KREMEN2: variants seen among roughly 807,000 people sequenced by gnomAD.
KREMEN2 encodes kringle containing transmembrane protein 2, also known as kremen protein 2.
Under a neutral mutation model 49.8 loss-of-function variants are expected in KREMEN2, and 43 were observed. The observed-to-expected ratio is 0.86, with a 90% CI of 0.68 to 1.11. The LOEUF (loss-of-function observed/expected upper bound fraction) is 1.11, where lower values mean the gene tolerates loss of function less well. Ranked by LOEUF, KREMEN2 falls within the 50% of genes most tolerant of loss-of-function variation. KREMEN2 has a pLI of 0.00. For synonymous variants in KREMEN2, 355 were observed against 304.9 expected (o/e 1.16, Z -1.71); for missense variants, 686 against 665.7 (o/e 1.03, Z -0.34).
intron 7 of KREMEN2, 27 bp downstream of exon 7, chr16:2,967,472 G>C: frequency 6.8e-7 from 1 of 1,467,670 alleles, no homozygotes; most frequent in Non-Finnish European, 8.9e-7. Flanking sequence ...GGACGGGAGT[G>C]AGTCAGGGAG....
rs1354856416 is a variant in KREMEN2 at position 2,964,617 on chromosome 16, AAGTCCCCGCACGGCT to A, written c.94+4_94+18del. 1.3e-6 allele frequency: 2 copies of A among 1,584,104 alleles called. No homozygotes were observed. The highest frequency in any genetic ancestry group is 2.7e-5 in the African/African-American group (2 of 72,946). ...GGCTGGGAGCCTGCACAGTCCAGGT[AAGTCCCCGCACGGCT>A]GTCGGGCCGTGTTCACCACCCCTTC... On this transcript the variant is annotated splice_donor_5th_base_variant and intron_variant, in intron 1 of 8. Transcript: ENST00000303746.
In KREMEN2 at chr16:2,966,057, C is replaced by T; in HGVS notation, c.270-83C>T. On this transcript the variant is annotated intron_variant, in intron 2 of 8. Transcript: ENST00000303746. The surrounding 1 kb of genome is among the most constrained non-coding windows in gnomAD (Gnocchi z 8.4). ...CACAGGCACAGAGCCTTGAAGGCCACTTTGAGCATAGGCTGCGGGGCCGGG... is the reference window on the plus strand; with the variant it reads ...CACAGGCACAGAGCCTTGAAGGCCATTTTGAGCATAGGCTGCGGGGCCGGG... 1 of 1,280,202 alleles carries T rather than the reference C, an allele frequency of 7.8e-7. No individual in the cohort carries two copies. Among genetic ancestry groups the T allele is most frequent in the Admixed American group, 1.8e-5 (1 of 57,038 alleles). 79.3% of individuals were successfully genotyped at this position (1,280,202 alleles called of 1,614,324 possible).
At position 2,964,469 on chromosome 16, in the gene KREMEN2, G is replaced by A; in HGVS notation, c.-52G>A. ...CTGGGAGACCCCGAAGCGACCCCGG[G>A]GGCAGCCCGGGCCGTGTCCGGGCGA... is the stretch of plus-strand genomic sequence containing the variant. On this transcript the variant is annotated 5_prime_UTR_variant, in exon 1 of 9. Transcript: ENST00000303746. 5.8e-6 allele frequency: 8 copies of A among 1,389,478 alleles called. No homozygotes were observed. Among genetic ancestry groups the A allele is most frequent in the Non-Finnish European group, 7.8e-6 (8 of 1,023,002 alleles). 86.1% of individuals were successfully genotyped at this position (1,389,478 alleles called of 1,614,324 possible).
rs1365629005 is a variant in KREMEN2, at chr16:2,966,635, C to T, written c.487-7C>T. 6 of 1,608,342 alleles carry T rather than the reference C, an allele frequency of 3.7e-6. No homozygotes were observed. Among genetic ancestry groups the T allele is most frequent in the Admixed American group, 3.3e-5 (2 of 59,942 alleles). ...CTGCCCTGGGGTCACCCAGTCTGTGCTCCCAGCTGGCGGGCGTGGAGGCCG... is the reference window on the plus strand; with the variant it reads ...CTGCCCTGGGGTCACCCAGTCTGTGTTCCCAGCTGGCGGGCGTGGAGGCCG... On this transcript the variant is annotated splice_polypyrimidine_tract_variant and splice_region_variant and intron_variant, in intron 4 of 8. Coordinates refer to ENST00000303746, the MANE Select transcript of KREMEN2 (RefSeq NM_172229.3). This position sits in a 1 kb window ranked among gnomAD's most constrained non-coding sequence, Gnocchi z 8.4.
Position 2,967,380 on chromosome 16 carries a change from C to A in KREMEN2, c.1034C>A (p.Ala345Glu). The change falls in exon 7 of 9, where the codon GCG becomes GAG. Residue 345 changes from alanine to glutamate, a missense_variant. Physicochemically the swap from Ala to Glu is moderately radical, Grantham distance 107. Transcript: ENST00000303746. Reference protein sequence around the residue: ...APEGSAQTPAAPLDGANVSCS... With the variant: ...APEGSAQTPAEPLDGANVSCS... ...GAGGGCTCGGCCCAGACCCCCGCGG[C>A]GCCCCTCGACGGGGCCAACGTGAGC... 2 of 1,399,900 alleles carry A rather than the reference C, an allele frequency of 1.4e-6. No homozygotes were observed. Among genetic ancestry groups the A allele is most frequent in the Non-Finnish European group, 1.8e-6 (2 of 1,088,746 alleles). 86.7% of individuals were successfully genotyped at this position (1,399,900 alleles called of 1,614,324 possible).
Position 2,966,182 on chromosome 16 carries a change from G to C in KREMEN2, c.312G>C (p.Glu104Asp). Reference protein sequence around the residue: ...GDVQPWCYVAETEEGIYWRYC... With the variant: ...GDVQPWCYVADTEEGIYWRYC... ...TGCAGCCGTGGTGCTACGTGGCTGA[G>C]ACAGAGGAGGGCATCTACTGGCGCT... Residue 104 changes from glutamate (E) to aspartate (D), a missense_variant, in exon 3 of 9, where the codon GAG (glutamate) becomes GAC (aspartate). By Grantham distance (45) the Glu-to-Asp change is conservative. Coordinates refer to ENST00000303746, the MANE Select transcript of KREMEN2 (RefSeq NM_172229.3). The surrounding 1 kb of genome is among the most constrained non-coding windows in gnomAD (Gnocchi z 8.4). 6.2e-7 allele frequency: 1 copy of C among 1,612,762 alleles called. No homozygotes were observed. The highest frequency in any genetic ancestry group is 1.1e-5 in the South Asian group (1 of 91,048).
rs779811498 is a variant in KREMEN2 at position 2,964,592 on chromosome 16, G to A, written c.72G>A (p.Ser24=). 1.5e-5 allele frequency: 24 copies of A among 1,607,946 alleles called. No homozygotes were observed. The highest frequency in any genetic ancestry group is 2.0e-5 in the Non-Finnish European group (23 of 1,177,720). Residue 24 remains serine, a synonymous_variant, in exon 1 of 9, where the codon TCG becomes TCA. Coordinates refer to ENST00000303746, the MANE Select transcript of KREMEN2 (RefSeq NM_172229.3). The part of the protein sequence containing the change: ...FLPLLQPRGA[S]AGSLHSPGLS... ...CGCTGCTGCAGCCGCGTGGGGCCTC[G>A]GCTGGGAGCCTGCACAGTCCAGGTA...
intron 2 of KREMEN2, 55 bp downstream of exon 2, chr16:2,965,088 G>C (rs2071792436): frequency 7.7e-7 from 1 of 1,302,072 alleles, no homozygotes. Flanking sequence ...TGCAGGGATG[G>C]CCCGAAGCGG....
rs1201000492 is a variant in KREMEN2, at chr16:2,965,097, G to C, written c.269+64G>C. 69 of 1,346,362 alleles carry C rather than the reference G, an allele frequency of 5.1e-5. 1 individual carries two copies. The highest frequency in any genetic ancestry group is 4.4e-4 in the South Asian group (28 of 64,284). 83.4% of individuals were successfully genotyped at this position (1,346,362 alleles called of 1,614,324 possible). ...CACCATTGCAGGGATGGCCCGAAGC[G>C]GGGCCTCCGTGCGGGCGGGGTGGAG... On this transcript the variant is annotated intron_variant, in intron 2 of 8. Transcript: ENST00000303746.
chr16:2,964,739 G>A lies in KREMEN2; in HGVS notation c.95-120G>A, dbSNP rs527445453. ...TGGCCGGAGCAGCTGAGCAGCCCGAGGGCTCCTGCAGGGGCGGGTGCGGGG... is the reference window on the plus strand; with the variant it reads ...TGGCCGGAGCAGCTGAGCAGCCCGAAGGCTCCTGCAGGGGCGGGTGCGGGG... On this transcript the variant is annotated intron_variant, in intron 1 of 8. Transcript: ENST00000303746. 9 of 1,404,880 alleles carry A rather than the reference G, an allele frequency of 6.4e-6. No homozygotes were observed. In the East Asian group the frequency reaches 1.7e-4, roughly 27 times the overall value. The allele number at this position is 1,404,880 out of a possible 1,614,324, so 87.0% of individuals were successfully genotyped here.
In KREMEN2 at chr16:2,967,022, G is replaced by A. The variant is rs1308634309; in HGVS notation, c.753G>A (p.Pro251=). 3.9e-6 allele frequency: 6 copies of A among 1,545,186 alleles called. No homozygotes were observed. The highest frequency in any genetic ancestry group is 4.4e-6 in the Non-Finnish European group (5 of 1,145,784). ...GGAACTGCAGCTGGGCCCTGGGCCC[G>A]CCAGGCGCCGCGCTGGAGCTCACCT... The part of the protein sequence containing the change: ...PDRNCSWALG[P]PGAALELTFR... Residue 251 remains proline (P), a synonymous_variant, in exon 6 of 9, where the codon CCG becomes CCA. Coordinates refer to ENST00000303746, the MANE Select transcript of KREMEN2 (RefSeq NM_172229.3).
At chr16:2,964,644 T>G in intron 1 of KREMEN2, 30 bp downstream of exon 1, 2 of 1,539,252 alleles carry the variant, frequency 1.3e-6, no homozygotes, top group East Asian at 2.3e-5. Flanking sequence ...TCGGGCCGTG[T>G]TCACCACCCC....
In KREMEN2 at chr16:2,966,739, G is replaced by C; in HGVS notation, c.584G>C (p.Cys195Ser). 1 of 1,612,114 alleles carries C rather than the reference G, an allele frequency of 6.2e-7. No homozygotes were observed. Residue 195 changes from cysteine (C) to serine (S), a missense_variant, in exon 5 of 9, where the codon TGT becomes TCT. Transcript: ENST00000303746. This position sits in a 1 kb window ranked among gnomAD's most constrained non-coding sequence, Gnocchi z 8.4. ...CCCGCCACCGACTGTGACCAGATCT[G>C]TTTCGGCCACCCTGGACAGCTGTGT... ...LAPATDCDQICFGHPGQLCGG... is the reference protein window; with the variant it reads ...LAPATDCDQISFGHPGQLCGG...
In KREMEN2 at chr16:2,966,676, G is replaced by C; in HGVS notation, c.521G>C (p.Cys174Ser). The C allele has an allele frequency of 6.2e-7, 1 of 1,611,204 alleles. No individual in the cohort carries two copies. Among genetic ancestry groups the C allele is most frequent in the Non-Finnish European group, 8.5e-7 (1 of 1,179,922 alleles). The change falls in exon 5 of 9, where the codon TGT (cysteine) becomes TCT (serine). Residue 174 changes from cysteine to serine, a missense_variant. Physicochemically the swap from Cys to Ser is moderately radical, Grantham distance 112. Transcript: ENST00000303746. This position sits in a 1 kb window ranked among gnomAD's most constrained non-coding sequence, Gnocchi z 8.4. Reference sequence around the variant, plus strand: ...GTGGAGGCCGGTTACGCCTGCTTCTGTGGCTCTGAAAGCGACCTGGCCCGG... The same window carrying C: ...GTGGAGGCCGGTTACGCCTGCTTCTCTGGCTCTGAAAGCGACCTGGCCCGG... ...AGVEAGYACF[C>S]GSESDLARGR... is the part of the protein sequence containing the mutation.
chr16:2,967,655 G>A (rs991778479), intron 8 of KREMEN2, 51 bp downstream of exon 8: 4 of 1,538,442 alleles, frequency 2.6e-6, no homozygotes, highest in African/African-American at 1.4e-5. Context: ...TGGGGAGCTG[G>A]AGCCCCAGAA....
chr16:2,966,060 T>G lies in KREMEN2; in HGVS notation c.270-80T>G. ...AGGCACAGAGCCTTGAAGGCCACTT[T>G]GAGCATAGGCTGCGGGGCCGGGCCT... On this transcript the variant is annotated intron_variant, in intron 2 of 8. Transcript: ENST00000303746. This position sits in a 1 kb window ranked among gnomAD's most constrained non-coding sequence, Gnocchi z 8.4. 32 of 1,294,172 alleles carry G rather than the reference T, an allele frequency of 2.5e-5. No individual in the cohort carries two copies. The highest frequency in any genetic ancestry group is 3.2e-5 in the Non-Finnish European group (29 of 899,526). 80.2% of individuals were successfully genotyped at this position (1,294,172 alleles called of 1,614,324 possible).
At position 2,964,923 on chromosome 16, in the gene KREMEN2, G is replaced by C; in HGVS notation, c.159G>C (p.Pro53=). Residue 53 remains proline, a synonymous_variant, in exon 2 of 9, where the codon CCG becomes CCC. Transcript: ENST00000303746. ...DYRGHQNRTG[P]RGAGRPCLFW... is the part of the protein sequence containing the mutation. ...GCGGCCACCAGAACCGCACTGGCCC[G>C]CGCGGGGCGGGCCGCCCGTGCCTCT... 6.2e-7 allele frequency: 1 copy of C among 1,604,586 alleles called. No individual in the cohort carries two copies. The highest frequency in any genetic ancestry group is 8.5e-7 in the Non-Finnish European group (1 of 1,176,222).
chr16:2,967,391 G>T lies in KREMEN2; in HGVS notation c.1045G>T (p.Gly349Trp), dbSNP rs1375408548. The change falls in exon 7 of 9, where the codon GGG becomes TGG. Residue 349 changes from glycine to tryptophan, a missense_variant. Transcript: ENST00000303746. Reference protein sequence around the residue: ...SAQTPAAPLDGANVSCSPRPG... With the variant: ...SAQTPAAPLDWANVSCSPRPG... ...CCAGACCCCCGCGGCGCCCCTCGAC[G>T]GGGCCAACGTGAGCTGCAGCCCCAG... 2.2e-6 allele frequency: 3 copies of T among 1,393,682 alleles called. No homozygotes were observed. The highest frequency in any genetic ancestry group is 2.8e-6 in the Non-Finnish European group (3 of 1,085,714). The allele number at this position is 1,393,682 out of a possible 1,614,324, so 86.3% of individuals were successfully genotyped here. A position where few individuals can be genotyped will look rare whatever the true frequency, so the allele number is the denominator to read the frequency against.
intron 2 of KREMEN2, 83 bp downstream of exon 2, chr16:2,965,116 G>A (rs988735549): frequency 4.9e-6 from 6 of 1,222,748 alleles, no homozygotes; most frequent in South Asian, 3.3e-5. Context: ...GTGCGGGCGG[G>A]GTGGAGGTCT....
Sources: gnomAD v4.1 joint callset for allele counts on GRCh38, gnomAD v4.1.1 for gene constraint, Gnocchi (gnomAD v3.1) non-coding constraint, MANE v1.5 for transcripts, NCBI Gene and HGNC (gene_info 2026-07-23, HGNC 2026-07-21) for gene names.